The following RTL4 variants were observed in gnomAD, a reference collection of about 807,000 sequenced individuals.
RTL4 encodes retrotransposon Gag-like protein 4.
In RTL4, 4 loss-of-function variants were observed where a neutral mutation model predicts 5.3. The observed-to-expected ratio is 0.75, with a 90% confidence interval of 0.37 to 1.72. The LOEUF is 1.72. Ranked by LOEUF, RTL4 falls within the 40% of genes most tolerant of loss-of-function variation. The probability of loss-of-function intolerance (pLI) is 0.04; values close to 1 mark genes in which losing one functional copy is unlikely to be tolerated. For synonymous variants in RTL4, 98 were observed against 87.3 expected, an observed-to-expected ratio of 1.12 and a Z score of -0.68; for missense variants, 260 against 227.1, an observed-to-expected ratio of 1.14 and a Z score of -0.93.
the RTL4 span, among the ~76,000 whole-genome samples, chrX:112,434,375 G>T: frequency 1.8e-5 from 2 of 110,680 alleles, no homozygotes; most frequent in Admixed American, 9.6e-5. Flanking sequence ...GACTCATTTT[G>T]GTTGGTAAGC....
At chrX:112,311,408 A>G in the RTL4 span, among the ~76,000 whole-genome samples, 1 of 110,896 alleles carries the variant, frequency 9.0e-6, no homozygotes. Flanking sequence ...AGAGAAACAG[A>G]TTAATCACTG....
the RTL4 span, among the ~76,000 whole-genome samples, chrX:112,202,540 T>C: frequency 1.3e-5 from 1 of 75,983 alleles, no homozygotes; most frequent in Admixed American, 1.3e-4. Flanking sequence ...TTTTATTCAT[T>C]ATTATTATTA....
At chrX:112,242,061 G>C in the RTL4 span, among the ~76,000 whole-genome samples, 1 of 111,775 alleles carries the variant, frequency 8.9e-6, no homozygotes, top group East Asian at 2.8e-4. Flanking sequence ...CTATATCTCT[G>C]TTTTGGTACC....
the RTL4 span, among the ~76,000 whole-genome samples, chrX:112,246,612 G>A: frequency 9.0e-6 from 1 of 111,637 alleles, no homozygotes; most frequent in African/African-American, 3.3e-5. Flanking sequence ...CGATTTTCCA[G>A]GTACAGTCTT....
the RTL4 span, among the ~76,000 whole-genome samples, chrX:112,332,628 C>A: frequency 1.0e-5 from 1 of 95,332 alleles, no homozygotes; most frequent in Non-Finnish European, 2.0e-5. Context: ...GGGAATTGAA[C>A]AATGAGAACA....
chrX:112,166,297 A>G, the RTL4 span, among the ~76,000 whole-genome samples: 1 of 111,868 alleles, frequency 8.9e-6, no homozygotes, highest in Non-Finnish European at 1.9e-5. Flanking sequence ...CATGCTTTTA[A>G]ATGGGCAAAA....
chrX:112,411,474 A>G, the RTL4 span, among the ~76,000 whole-genome samples: 1 of 111,440 alleles, frequency 9.0e-6, no homozygotes, highest in Admixed American at 9.5e-5. Flanking sequence ...AGCAAATGAA[A>G]TTCCATAATA....
chrX:112,431,384 G>A, the RTL4 span, among the ~76,000 whole-genome samples: 1 of 112,091 alleles, frequency 8.9e-6, no homozygotes, highest in Non-Finnish European at 1.9e-5. Flanking sequence ...TTCACTGTGA[G>A]GACCTAGTAG....
rs370167497 is a variant in RTL4, at chrX:112,455,840, C to T, written c.*179C>T. Reference sequence around the variant, plus strand: ...TTGTTCATTGGCAAATTACCCCTCACGAAACCTAACCCGAGAATGATGAAA... The same window carrying T: ...TTGTTCATTGGCAAATTACCCCTCATGAAACCTAACCCGAGAATGATGAAA... On this transcript the variant is annotated 3_prime_UTR_variant, in exon 1 of 1. Transcript: ENST00000340433. 2.8e-3 allele frequency: 1,240 copies of T among 438,277 alleles called. 7 individuals carry two copies. Among genetic ancestry groups the T allele is most frequent in the Non-Finnish European group, 1.8e-3 (464 of 261,959 alleles). 36.1% of individuals were successfully genotyped at this position (438,277 alleles called of 1,213,427 possible). A position where few individuals can be genotyped will look rare whatever the true frequency, so the allele number is the denominator to read the frequency against.
chrX:112,155,108 G>T, the RTL4 span, among the ~76,000 whole-genome samples: 1 of 110,486 alleles, frequency 9.1e-6, no homozygotes, highest in East Asian at 2.9e-4. Context: ...ATCTGTTGGT[G>T]CCTCGATCTT....
chrX:112,233,252 T>A, the RTL4 span, among the ~76,000 whole-genome samples: 2 of 112,301 alleles, frequency 1.8e-5, no homozygotes, highest in South Asian at 7.4e-4. Context: ...AGAAAACAAC[T>A]AACATCCATC....
the RTL4 span, among the ~76,000 whole-genome samples, chrX:112,201,613 T>A: frequency 9.1e-6 from 1 of 109,314 alleles, no homozygotes; most frequent in Non-Finnish European, 1.9e-5. Flanking sequence ...GGAGCACAGT[T>A]GAGAACCAGA....
chrX:112,422,549 C>T, the RTL4 span, among the ~76,000 whole-genome samples: 6 of 110,581 alleles, frequency 5.4e-5, no homozygotes, highest in African/African-American at 2.0e-4. Context: ...TTGCTCTGGT[C>T]GTCTCTGACC....
chrX:112,127,889 G>A, the RTL4 span, among the ~76,000 whole-genome samples: 1 of 111,834 alleles, frequency 8.9e-6, no homozygotes, highest in African/African-American at 3.2e-5. Context: ...CTTGTACAAT[G>A]AAAACTACAA....
At chrX:112,239,018 C>T in the RTL4 span, among the ~76,000 whole-genome samples, 1 of 111,877 alleles carries the variant, frequency 8.9e-6, no homozygotes, top group Non-Finnish European at 1.9e-5. Context: ...AGGTCTTCCA[C>T]CTTGCCTCCA....
chrX:112,427,345 T>G, the RTL4 span, among the ~76,000 whole-genome samples: 1 of 111,002 alleles, frequency 9.0e-6, no homozygotes, highest in Non-Finnish European at 1.9e-5. Flanking sequence ...AAACATCACA[T>G]GATCATATCA....
At chrX:112,438,506 C>A in the RTL4 span, among the ~76,000 whole-genome samples, 1 of 112,747 alleles carries the variant, frequency 8.9e-6, no homozygotes, top group Non-Finnish European at 1.9e-5. Context: ...TGGAAGCATT[C>A]CTGAAATCTG....
chrX:112,265,921 C>A, the RTL4 span, among the ~76,000 whole-genome samples: 1 of 110,411 alleles, frequency 9.1e-6, no homozygotes, highest in Non-Finnish European at 1.9e-5. Flanking sequence ...ACTCAGATCC[C>A]CCCACAGGCC....
At chrX:112,198,784 A>AT in the RTL4 span, among the ~76,000 whole-genome samples, 4 of 111,109 alleles carry the variant, frequency 3.6e-5, no homozygotes, top group Non-Finnish European at 7.5e-5. Flanking sequence ...TTTATATCAG[A>AT]GATAGAGCAT....
Sources: allele counts gnomAD v4.1 joint callset (sites outside exome capture counted in the v4.1 genomes callset), GRCh38; gene constraint gnomAD v4.1.1; transcripts MANE v1.5; gene names NCBI Gene and HGNC (gene_info 2026-07-23, HGNC 2026-07-21).